The following PINX1 variants were observed in gnomAD, a reference collection of about 807,000 sequenced individuals.
The protein encoded by PINX1 is PIN2/TERF1-interacting telomerase inhibitor 1.
PINX1 carries 34 observed loss-of-function variants against 25.4 expected under a neutral mutation model. The observed-to-expected ratio is 1.34, with a 90% confidence interval of 1.02 to 1.78. The LOEUF (loss-of-function observed/expected upper bound fraction) is 1.78. Among genes scored for constraint, PINX1 ranks in the 40% most tolerant of loss-of-function variants. PINX1 has a pLI of 0.00. For missense variants in PINX1, 592 were observed against 404.9 expected, an observed-to-expected ratio of 1.46 and a Z score of -3.97; for synonymous variants, 197 against 147.7, an observed-to-expected ratio of 1.33 and a Z score of -2.42.
chr8:10,786,591 G>C (rs7821812), intron 6 of PINX1, among the ~76,000 whole-genome samples: 27,581 of 152,158 alleles, frequency 0.18, 2,648 homozygotes, highest in Middle Eastern at 0.28. Context: ...TCACCCCACA[G>C]GGTTGGACCC....
At chr8:10,834,837 CAT>C in intron 1 of PINX1, 62 bp from the exon 2 acceptor site, 2 of 1,098,600 alleles carry the variant, frequency 1.8e-6, no homozygotes, top group East Asian at 4.8e-5. Context: ...ACCACACAAA[CAT>C]ACACATGCAC....
intron 1 of PINX1, 110 bp downstream of exon 1, chr8:10,839,628 T>C (rs2129092584): frequency 1.8e-6 from 2 of 1,135,784 alleles, no homozygotes; most frequent in Non-Finnish European, 2.6e-6. Flanking sequence ...CCCGATCCCA[T>C]GCGCCAGGCG....
chr8:10,816,145 G>A (rs1489349753), intron 6 of PINX1, among the ~76,000 whole-genome samples: 1 of 152,172 alleles, frequency 6.6e-6, no homozygotes, highest in Non-Finnish European at 1.5e-5. Flanking sequence ...GATCTTCACT[G>A]AGATAATAAT....
chr8:10,792,816 C>A (rs1406089932), intron 6 of PINX1, among the ~76,000 whole-genome samples: 1 of 152,148 alleles, frequency 6.6e-6, no homozygotes, highest in Non-Finnish European at 1.5e-5. Flanking sequence ...ATAGCTGTCA[C>A]CTGTGTGAAT....
intron 6 of PINX1, 21 bp downstream of exon 6, chr8:10,820,172 A>G: frequency 6.7e-7 from 1 of 1,492,384 alleles, no homozygotes; most frequent in Non-Finnish European, 9.3e-7. Flanking sequence ...CGGAACACGG[A>G]AACTGTACGT....
chr8:10,794,335 G>GT (rs781536872), intron 6 of PINX1, among the ~76,000 whole-genome samples: 3 of 152,056 alleles, frequency 2.0e-5, no homozygotes, highest in Non-Finnish European at 4.4e-5. Flanking sequence ...ACACAGAAAA[G>GT]TAACTTTTGT....
intron 6 of PINX1, 128 bp downstream of exon 6, chr8:10,820,065 A>G: frequency 1.5e-6 from 1 of 686,780 alleles, no homozygotes; most frequent in Non-Finnish European, 2.7e-6. Flanking sequence ...TAGGCTGTGC[A>G]TGAAGCCTCC....
chr8:10,817,411 G>A (rs1470403625), intron 6 of PINX1, among the ~76,000 whole-genome samples: 1 of 152,190 alleles, frequency 6.6e-6, no homozygotes, highest in South Asian at 2.1e-4. Context: ...AAGGGCTGTT[G>A]TAACTAACAA....
At chr8:10,814,974 C>G (rs527789156) in intron 6 of PINX1, among the ~76,000 whole-genome samples, 1 of 152,302 alleles carries the variant, frequency 6.6e-6, no homozygotes, top group Admixed American at 6.5e-5. Flanking sequence ...GGGTCTCACT[C>G]TGTGACCCAG....
intron 6 of PINX1, among the ~76,000 whole-genome samples, chr8:10,802,391 C>T (rs1057436047): frequency 6.6e-6 from 1 of 152,128 alleles, no homozygotes; most frequent in African/African-American, 2.4e-5. Flanking sequence ...ACAAGGTTGA[C>T]GTGTATGAAG....
chr8:10,833,036 A>G, intron 2 of PINX1, 52 bp from the exon 3 acceptor site: 1 of 532,128 alleles, frequency 1.9e-6, no homozygotes, highest in Non-Finnish European at 2.7e-6. Flanking sequence ...TGATACTCAG[A>G]AGCAGAGCAC....
intron 6 of PINX1, among the ~76,000 whole-genome samples, chr8:10,803,661 C>T (rs992361870): frequency 1.3e-5 from 2 of 152,132 alleles, no homozygotes; most frequent in Admixed American, 1.3e-4. Context: ...TTAGGTTCAG[C>T]TTTTTGGCAG....
intron 6 of PINX1, among the ~76,000 whole-genome samples, chr8:10,789,913 C>A (rs751868575): frequency 6.6e-6 from 1 of 152,180 alleles, no homozygotes; most frequent in Non-Finnish European, 1.5e-5. Context: ...TGGACAGGTA[C>A]TGCTTTTATA....
Position 10,765,281 on chromosome 8 carries a change from C to T in PINX1, c.*120G>A. On this transcript the variant is annotated 3_prime_UTR_variant, in exon 7 of 7. Transcript: ENST00000314787. ...AGGGCAGGACTCGGCAGCCCATGGG[C>T]ATGCCACAAGATGCGCCCAGGCGCT... 3.3e-6 allele frequency: 3 copies of T among 911,800 alleles called. No individual in the cohort carries two copies. The highest frequency in any genetic ancestry group is 4.8e-6 in the Non-Finnish European group (3 of 623,624). The allele number at this position is 911,800 out of a possible 1,614,324, so 56.5% of individuals were successfully genotyped here.
intron 6 of PINX1, among the ~76,000 whole-genome samples, chr8:10,796,825 C>T (rs951932951): frequency 4.6e-5 from 7 of 151,850 alleles, no homozygotes; most frequent in African/African-American, 1.7e-4. Context: ...AAGAAGGATG[C>T]AATGAAAAAA....
At chr8:10,816,158 T>C (rs1204384402) in intron 6 of PINX1, among the ~76,000 whole-genome samples, 1 of 152,130 alleles carries the variant, frequency 6.6e-6, no homozygotes, top group African/African-American at 2.4e-5. Context: ...ATAATAATGG[T>C]TACACAATCC....
intron 5 of PINX1, among the ~76,000 whole-genome samples, chr8:10,823,486 T>C (rs1563232548): frequency 6.6e-6 from 1 of 151,962 alleles, no homozygotes; most frequent in Non-Finnish European, 1.5e-5. Flanking sequence ...CCTCTGCAGA[T>C]ATAGCCTCTA....
chr8:10,775,410 G>GTTTTTTTTTTTTTTTTTTTTT (rs143926728), intron 6 of PINX1, among the ~76,000 whole-genome samples: 3 of 109,614 alleles, frequency 2.7e-5, no homozygotes, highest in African/African-American at 6.4e-5. Context: ...CTGTTTTGTG[G>GTTTTTTTTTTTTTTTTTTTTT]TTTTTTTTTT....
In PINX1 at chr8:10,813,682, G is replaced by A. The variant is rs115585454; in HGVS notation, c.471+6511C>T. 4.4e-3 allele frequency among the ~76,000 whole-genome samples: 672 copies of A among 152,300 alleles called. 5 individuals carry two copies. The highest frequency in any genetic ancestry group is 0.015 in the African/African-American group (641 of 41,552). ...TATCCTGGGAGAGTGAAACTCTCAT[G>A]AGGGTTCTAATTCAATCAGGTTAGA... On this transcript the variant is annotated intron_variant, in intron 6 of 6. Coordinates refer to ENST00000314787, the MANE Select transcript of PINX1 (RefSeq NM_017884.6).
Sources: allele counts gnomAD v4.1 joint callset (sites outside exome capture counted in the v4.1 genomes callset), GRCh38; gene constraint gnomAD v4.1.1; transcripts MANE v1.5; gene names NCBI Gene and HGNC (gene_info 2026-07-23, HGNC 2026-07-21).